The following PRKN variants were observed in gnomAD, a reference collection of about 807,000 sequenced individuals.
PRKN encodes the protein E3 ubiquitin-protein ligase parkin.
A neutral mutation model predicts 59.5 loss-of-function variants in PRKN; 56 were observed. That is an observed-to-expected ratio of 0.94 (90% CI 0.76 to 1.18). The LOEUF is 1.18. PRKN is among the 50% of genes most tolerant of loss of function. PRKN has a pLI of 0.00. For missense variants in PRKN, 657 were observed against 596.4 expected (o/e 1.10, Z -1.06); for synonymous variants, 250 against 222.1 (o/e 1.13, Z -1.12).
At chr6:162,306,885 C>G (rs771299196) in intron 2 of PRKN, among the ~76,000 whole-genome samples, 1 of 152,142 alleles carries the variant, frequency 6.6e-6, no homozygotes, top group Non-Finnish European at 1.5e-5. Flanking sequence ...CTGATGCTAC[C>G]GATGGACACG....
intron 4 of PRKN, among the ~76,000 whole-genome samples, chr6:162,166,861 G>A (rs763765679): frequency 1.3e-4 from 20 of 152,126 alleles, no homozygotes; most frequent in Admixed American, 1.1e-3. Flanking sequence ...ATGAGACTGT[G>A]CCCTAATTGT....
chr6:162,703,313 A>G (rs1271520979), intron 1 of PRKN, among the ~76,000 whole-genome samples: 1 of 152,264 alleles, frequency 6.6e-6, no homozygotes, highest in African/African-American at 2.4e-5. Flanking sequence ...CATGTAAAAT[A>G]TGTATAAAAT....
intron 9 of PRKN, among the ~76,000 whole-genome samples, chr6:161,482,427 G>A (rs1241795629): frequency 6.6e-6 from 1 of 152,184 alleles, no homozygotes; most frequent in Non-Finnish European, 1.5e-5. Flanking sequence ...CTTAGGTCAA[G>A]AAAACATTGT....
intron 1 of PRKN, among the ~76,000 whole-genome samples, chr6:162,459,592 T>C (rs1791061209): frequency 6.6e-6 from 1 of 152,204 alleles, no homozygotes; most frequent in Non-Finnish European, 1.5e-5. Context: ...CCAGACTACC[T>C]CAGTTTAAAT....
intron 3 of PRKN, among the ~76,000 whole-genome samples, chr6:162,202,113 C>A (rs1784754360): frequency 6.6e-6 from 1 of 152,064 alleles, no homozygotes; most frequent in South Asian, 2.1e-4. Context: ...TTCTTTTAAT[C>A]CTTACCTGGG....
intron 2 of PRKN, among the ~76,000 whole-genome samples, chr6:162,377,598 C>G (rs898262887): frequency 7.2e-5 from 11 of 152,212 alleles, no homozygotes; most frequent in African/African-American, 2.4e-4. Context: ...CCAACACACG[C>G]CACAGGCCCA....
At chr6:161,859,374 G>T (rs1056022108) in intron 6 of PRKN, among the ~76,000 whole-genome samples, 2 of 151,930 alleles carry the variant, frequency 1.3e-5, no homozygotes, top group Admixed American at 1.3e-4. Context: ...GGAGGCCAAG[G>T]CGGGTGGATC....
chr6:161,782,511 G>T (rs1790248928), intron 7 of PRKN, among the ~76,000 whole-genome samples: 1 of 151,894 alleles, frequency 6.6e-6, no homozygotes, highest in Admixed American at 6.6e-5. Flanking sequence ...GTAGATAAAG[G>T]GTGTATTTCT....
chr6:161,963,253 T>C (rs779152799), intron 6 of PRKN, among the ~76,000 whole-genome samples: 2 of 152,200 alleles, frequency 1.3e-5, no homozygotes, highest in African/African-American at 2.4e-5. Flanking sequence ...CCCTAACGGA[T>C]ACAAAATTGG....
At chr6:162,708,265 G>A (rs1328460788) in intron 1 of PRKN, among the ~76,000 whole-genome samples, 1 of 152,174 alleles carries the variant, frequency 6.6e-6, no homozygotes, top group East Asian at 1.9e-4. Flanking sequence ...AAAACTGTAT[G>A]AGAAACCACA....
At chr6:162,486,922 T>C (rs1473751874) in intron 1 of PRKN, among the ~76,000 whole-genome samples, 2 of 151,832 alleles carry the variant, frequency 1.3e-5, no homozygotes, top group African/African-American at 2.4e-5. Flanking sequence ...ACACAAAAAT[T>C]AGCCGGGCGT....
At chr6:162,219,612 A>AG (rs145790088) in intron 3 of PRKN, among the ~76,000 whole-genome samples, 2 of 148,090 alleles carry the variant, frequency 1.4e-5, no homozygotes, top group Admixed American at 6.7e-5. Context: ...CGCAGCATGG[A>AG]GGAAAAAAAA....
Position 161,350,083 on chromosome 6 carries a change from C to T in PRKN, c.*16G>A, listed in dbSNP as rs61730194. On this transcript the variant is annotated 3_prime_UTR_variant, in exon 12 of 12. Transcript: ENST00000366898. The stretch of plus-strand genomic sequence containing the variant: ...GCTCCCCCAGGATGTGGCGATGGGG[C>T]GCCCGGCCGCCCTGGCTACACGTCG... The T allele has an allele frequency of 8.1e-4, 1,269 of 1,562,438 alleles. 7 individuals carry two copies. In the African/African-American group the frequency reaches 0.015, roughly 18 times the overall value.
chr6:162,193,859 G>A (rs1292278281), intron 4 of PRKN, among the ~76,000 whole-genome samples: 2 of 152,178 alleles, frequency 1.3e-5, no homozygotes, highest in African/African-American at 2.4e-5. Flanking sequence ...TGTTGCAGAA[G>A]GGAGCAGGGG....
intron 1 of PRKN, among the ~76,000 whole-genome samples, chr6:162,455,976 T>G (rs888614958): frequency 3.9e-5 from 6 of 152,278 alleles, no homozygotes; most frequent in Admixed American, 3.3e-4. Context: ...TGAATGTCTC[T>G]ATATAATTTT....
intron 1 of PRKN, among the ~76,000 whole-genome samples, chr6:162,685,016 C>T (rs966961693): frequency 2.8e-4 from 42 of 152,100 alleles, no homozygotes; most frequent in African/African-American, 9.9e-4. Context: ...TATATTGCAT[C>T]TACTGTATTA....
chr6:161,659,704 G>A (rs1784476173), intron 7 of PRKN, among the ~76,000 whole-genome samples: 1 of 152,088 alleles, frequency 6.6e-6, no homozygotes, highest in Non-Finnish European at 1.5e-5. Context: ...TCGGGTTTTG[G>A]AGTCAGACAG....
Position 162,273,532 on chromosome 6 carries a change from C to A in PRKN, c.172-10767G>T, listed in dbSNP as rs527670060. Among the ~76,000 whole-genome samples the A allele has an allele frequency of 2.6e-5, 4 of 152,184 alleles. No homozygotes were observed. The South Asian group carries it at 8.3e-4, about 32-fold the overall frequency. On this transcript the variant is annotated intron_variant, in intron 2 of 11. Coordinates refer to ENST00000366898, the MANE Select transcript of PRKN (RefSeq NM_004562.3). ...TGTACTTTATTTACTAAGTTGATTA[C>A]TGGTATGATATAGGTGTAGGAATTC...
At chr6:161,438,363 A>G (rs577212744) in intron 9 of PRKN, among the ~76,000 whole-genome samples, 1 of 151,944 alleles carries the variant, frequency 6.6e-6, no homozygotes, top group East Asian at 1.9e-4. Flanking sequence ...AACTACAGGC[A>G]CACACCACCA....
Sources: gnomAD v4.1 joint callset for allele counts (sites outside exome capture counted in the v4.1 genomes callset) on GRCh38, gnomAD v4.1.1 for gene constraint, MANE v1.5 for transcripts, NCBI Gene and HGNC (gene_info 2026-07-23, HGNC 2026-07-21) for gene names.